Variants in CACNA2D3 observed in about 807,000 individuals in gnomAD.
The protein encoded by CACNA2D3 is voltage-dependent calcium channel subunit alpha-2/delta-3.
A neutral mutation model predicts 160.6 loss-of-function variants in CACNA2D3; 60 were observed. That is an observed-to-expected ratio of 0.37 (90% CI 0.30 to 0.46). The LOEUF is 0.46. Among genes scored for constraint, CACNA2D3 ranks in the 20% least tolerant of loss-of-function variants. CACNA2D3 has a pLI of 1.00. For missense variants in CACNA2D3, 1,205 were observed against 1,365.0 expected (o/e 0.88, Z 1.85); for synonymous variants, 558 against 492.9 (o/e 1.13, Z -1.75).
At chr3:54,972,608 GAC>G (rs1045427581) in intron 29 of CACNA2D3, among the ~76,000 whole-genome samples, 3 of 152,164 alleles carry the variant, frequency 2.0e-5, no homozygotes, top group African/African-American at 7.2e-5. Context: ...GGGCTTATCA[GAC>G]ACACTTAGCC....
chr3:54,717,206 T>C (rs1196938062), intron 11 of CACNA2D3, among the ~76,000 whole-genome samples: 1 of 152,198 alleles, frequency 6.6e-6, no homozygotes, highest in African/African-American at 2.4e-5. Flanking sequence ...TATGGACATA[T>C]CATTATTTAT....
intron 5 of CACNA2D3, among the ~76,000 whole-genome samples, chr3:54,525,281 C>G (rs574849198): frequency 6.6e-6 from 1 of 152,084 alleles, no homozygotes; most frequent in Non-Finnish European, 1.5e-5. Flanking sequence ...AATATATTAC[C>G]TCTCTATATG....
At chr3:54,300,741 G>A (rs755224877) in intron 2 of CACNA2D3, among the ~76,000 whole-genome samples, 2 of 152,230 alleles carry the variant, frequency 1.3e-5, no homozygotes, top group African/African-American at 2.4e-5. Flanking sequence ...CATGCTGGGT[G>A]TGGTGGCTAA....
At chr3:54,782,935 A>G (rs1367725590) in intron 13 of CACNA2D3, among the ~76,000 whole-genome samples, 1 of 152,206 alleles carries the variant, frequency 6.6e-6, no homozygotes, top group Non-Finnish European at 1.5e-5. Flanking sequence ...TGGGGCAGGT[A>G]AAACGCACAC....
At chr3:54,868,114 T>G (rs1268990950) in intron 17 of CACNA2D3, among the ~76,000 whole-genome samples, 1 of 152,190 alleles carries the variant, frequency 6.6e-6, no homozygotes, top group Non-Finnish European at 1.5e-5. Context: ...GGTAGGTGGA[T>G]TTAGGCTTAG....
At chr3:54,645,509 A>G (rs1221329230) in intron 11 of CACNA2D3, among the ~76,000 whole-genome samples, 2 of 152,204 alleles carry the variant, frequency 1.3e-5, no homozygotes, top group South Asian at 4.1e-4. Flanking sequence ...TTAGGCAGCA[A>G]ATGCATGCTT....
At chr3:54,225,545 T>G (rs1317767610) in intron 2 of CACNA2D3, among the ~76,000 whole-genome samples, 1 of 152,248 alleles carries the variant, frequency 6.6e-6, no homozygotes, top group Non-Finnish European at 1.5e-5. Context: ...ACTTATCTTT[T>G]AATGCACTGA....
intron 35 of CACNA2D3, among the ~76,000 whole-genome samples, chr3:55,069,536 T>A (rs1704752171): frequency 6.6e-6 from 1 of 152,218 alleles, no homozygotes; most frequent in Non-Finnish European, 1.5e-5. Context: ...ATATTTTTCG[T>A]TGGTTATTGC....
chr3:54,459,987 C>A (rs916103110), intron 4 of CACNA2D3, among the ~76,000 whole-genome samples: 1 of 152,090 alleles, frequency 6.6e-6, no homozygotes, highest in African/African-American at 2.4e-5. Context: ...CAGCTTTCTC[C>A]ATATGGCTAG....
intron 2 of CACNA2D3, among the ~76,000 whole-genome samples, chr3:54,301,479 A>G (rs1243662257): frequency 1.3e-5 from 2 of 152,174 alleles, no homozygotes; most frequent in Non-Finnish European, 2.9e-5. Flanking sequence ...AAATAAGTAC[A>G]ATAAATTACA....
intron 13 of CACNA2D3, among the ~76,000 whole-genome samples, chr3:54,800,506 G>A (rs1702960946): frequency 6.6e-6 from 1 of 152,122 alleles, no homozygotes; most frequent in Non-Finnish European, 1.5e-5. Flanking sequence ...CAGATACAAT[G>A]CAGAGTGAAA....
intron 3 of CACNA2D3, among the ~76,000 whole-genome samples, chr3:54,335,974 A>C (rs540445632): frequency 7.0e-6 from 1 of 143,858 alleles, no homozygotes; most frequent in Non-Finnish European, 1.5e-5. Flanking sequence ...ACTGTACTAC[A>C]TAGCCTGGCG....
chr3:54,988,578 G>A (rs1702668052), intron 31 of CACNA2D3, among the ~76,000 whole-genome samples: 1 of 152,194 alleles, frequency 6.6e-6, no homozygotes. Context: ...GGCAGGAAAT[G>A]CAAGGATGGC....
chr3:54,599,038 C>G (rs537851275), intron 9 of CACNA2D3, among the ~76,000 whole-genome samples: 1 of 152,138 alleles, frequency 6.6e-6, no homozygotes, highest in African/African-American at 2.4e-5. Flanking sequence ...ATGCAACTAG[C>G]AAGAGGTCCC....
intron 29 of CACNA2D3, among the ~76,000 whole-genome samples, chr3:54,975,175 T>A (rs1326070501): frequency 6.6e-6 from 1 of 152,078 alleles, no homozygotes; most frequent in Non-Finnish European, 1.5e-5. Context: ...ATCTTGTCAC[T>A]CAATTTGCCT....
intron 2 of CACNA2D3, among the ~76,000 whole-genome samples, chr3:54,166,089 C>T (rs934190173): frequency 2.6e-5 from 4 of 152,144 alleles, no homozygotes; most frequent in South Asian, 2.1e-4. Flanking sequence ...CAGGAACCCA[C>T]GAGGTGGGTG....
At chr3:54,962,595 T>C (rs1297731353) in intron 27 of CACNA2D3, among the ~76,000 whole-genome samples, 2 of 152,216 alleles carry the variant, frequency 1.3e-5, no homozygotes, top group Non-Finnish European at 2.9e-5. Flanking sequence ...GGTGCAACTC[T>C]ATTGGTGGAG....
intron 4 of CACNA2D3, among the ~76,000 whole-genome samples, chr3:54,463,436 C>T (rs1290698202): frequency 6.6e-6 from 1 of 152,202 alleles, no homozygotes; most frequent in African/African-American, 2.4e-5. Flanking sequence ...TTGGTCTTTT[C>T]ACATAGTGCC....
intron 11 of CACNA2D3, among the ~76,000 whole-genome samples, chr3:54,725,371 C>A (rs1031917841): frequency 6.6e-6 from 1 of 152,122 alleles, no homozygotes; most frequent in Non-Finnish European, 1.5e-5. Flanking sequence ...TGAAACTATT[C>A]CAATCAATAG....
Sources: allele counts gnomAD v4.1 joint callset (sites outside exome capture counted in the v4.1 genomes callset), GRCh38; gene constraint gnomAD v4.1.1; transcripts MANE v1.5; gene names NCBI Gene and HGNC (gene_info 2026-07-23, HGNC 2026-07-21).